The following SORBS2 variants were observed in gnomAD, a reference collection of about 807,000 sequenced individuals.
SORBS2 encodes the protein sorbin and SH3 domain containing 2.
Under a neutral mutation model 97.7 loss-of-function variants are expected in SORBS2, and 46 were observed. The ratio of observed to expected loss-of-function variants is 0.47; its 90% confidence interval spans 0.37 to 0.60. The LOEUF is 0.60. Among genes scored for constraint, SORBS2 ranks in the 20% least tolerant of loss-of-function variants. The pLI is 0.00. For missense variants in SORBS2, 1,316 were observed against 1,282.3 expected, an observed-to-expected ratio of 1.03 and a Z score of -0.40; for synonymous variants, 476 against 473.4, an observed-to-expected ratio of 1.01 and a Z score of -0.07.
intron 8 of SORBS2, 49 bp downstream of exon 20, chr4:185,620,014 G>A (rs2096692164): frequency 8.8e-7 from 1 of 1,140,382 alleles, no homozygotes; most frequent in Non-Finnish European, 1.3e-6. Context: ...GGTAAGTGCT[G>A]TATCAAGTGT....
chr4:185,646,828 T>C (rs2097215535), intron 3 of SORBS2, 46 bp from the exon 13 acceptor site: 11 of 1,115,478 alleles, frequency 9.9e-6, no homozygotes, highest in Non-Finnish European at 4.1e-6. Flanking sequence ...CCTTTTTGCT[T>C]AAAGCAATTG....
At chr4:185,841,366 T>G (rs984979204) in intron 1 of SORBS2, among the ~76,000 whole-genome samples, 1 of 151,858 alleles carries the variant, frequency 6.6e-6, no homozygotes. Flanking sequence ...TTGAGGGAAA[T>G]GTTGGGTAAA....
intron 1 of SORBS2, among the ~76,000 whole-genome samples, chr4:185,891,968 A>G (rs570058012): frequency 2.0e-5 from 3 of 152,118 alleles, no homozygotes; most frequent in South Asian, 2.1e-4. Flanking sequence ...GTGAACAGCT[A>G]GTGTTATAGG....
intron 1 of SORBS2, among the ~76,000 whole-genome samples, chr4:185,782,158 C>A (rs2099034494): frequency 6.6e-6 from 1 of 152,210 alleles, no homozygotes; most frequent in Non-Finnish European, 1.5e-5. Context: ...CTATATTTAT[C>A]AGAACTTGTG....
chr4:185,707,215 T>A (rs1455273414), intron 2 of SORBS2, among the ~76,000 whole-genome samples: 1 of 152,174 alleles, frequency 6.6e-6, no homozygotes, highest in Non-Finnish European at 1.5e-5. Context: ...CTTATTTTAC[T>A]GCAAAGAAAC....
chr4:185,708,740 T>A lies in SORBS2; in HGVS notation c.-197-29918A>T, dbSNP rs140348513. 2.0e-3 allele frequency among the ~76,000 whole-genome samples: 303 copies of A among 152,300 alleles called. 2 individuals carry two copies. Among genetic ancestry groups the A allele is most frequent in the African/African-American group, 6.7e-3 (278 of 41,566 alleles). ...AAAAAGGAAAGGGGGAAGAAACATGTGGTTTTGATAACCTTCAAATCATTA... is the reference window on the plus strand; with the variant it reads ...AAAAAGGAAAGGGGGAAGAAACATGAGGTTTTGATAACCTTCAAATCATTA... On this transcript the variant is annotated intron_variant, in intron 2 of 20. Transcript: ENST00000284776.
At chr4:185,645,647 G>T (rs926210296) in intron 4 of SORBS2, 1 of 152,186 alleles carries the variant, frequency 6.6e-6, no homozygotes, top group African/African-American at 2.4e-5. Flanking sequence ...TTATATATGA[G>T]TGTGATTTCT....
At chr4:185,619,974 T>G in intron 8 of SORBS2, 89 bp downstream of exon 20, 1 of 820,354 alleles carries the variant, frequency 1.2e-6, no homozygotes, top group Non-Finnish European at 2.2e-6. Context: ...CCTGTCCGAG[T>G]TCGTTACTGG....
intron 2 of SORBS2, among the ~76,000 whole-genome samples, chr4:185,722,406 A>C (rs986007461): frequency 2.6e-5 from 4 of 152,232 alleles, no homozygotes; most frequent in Admixed American, 2.0e-4. Flanking sequence ...TTTAATTTAA[A>C]AAGTGGCATT....
At position 185,822,787 on chromosome 4, in the gene SORBS2, A is replaced by G. The variant is rs1274181765; in HGVS notation, c.-337-47421T>C. Among the ~76,000 whole-genome samples the G allele has an allele frequency of 2.6e-5, 4 of 152,332 alleles. No homozygotes were observed. In the East Asian group the frequency reaches 5.8e-4, roughly 22 times the overall value. On this transcript the variant is annotated intron_variant, in intron 1 of 20. Transcript: ENST00000284776. Reference sequence around the variant, plus strand: ...CCTGCAAACCATGCCCCTTGCCTAGAGTTTCAGAGTGCGCTCAGCATTCTG... The same window carrying G: ...CCTGCAAACCATGCCCCTTGCCTAGGGTTTCAGAGTGCGCTCAGCATTCTG...
rs575249751 is a variant in SORBS2 at position 185,947,974 on chromosome 4, C to A, written c.-338+8222G>T. On this transcript the variant is annotated intron_variant, in intron 1 of 20. Coordinates refer to the SORBS2 transcript ENST00000284776. ...TCATGTAATGTGCTTAGCATGGAAC[C>A]CGGCACTAAGGAAGTGCTAATCAAA... Among the ~76,000 whole-genome samples, 5 of 152,248 alleles carry A rather than the reference C, an allele frequency of 3.3e-5. No homozygotes were observed. The East Asian group carries it at 9.6e-4, about 29-fold the overall frequency.
chr4:185,681,056 A>C (rs4862562), intron 2 of SORBS2, among the ~76,000 whole-genome samples: 15,055 of 152,136 alleles, frequency 0.099, 824 homozygotes, highest in Middle Eastern at 0.14. Flanking sequence ...GAGTGTGCAG[A>C]ATTAAGAGAA....
At chr4:185,724,997 G>A (rs2098545734) in intron 2 of SORBS2, among the ~76,000 whole-genome samples, 1 of 151,886 alleles carries the variant, frequency 6.6e-6, no homozygotes, top group African/African-American at 2.4e-5. Flanking sequence ...TCAGCACCTT[G>A]CATATCTTTC....
At chr4:185,717,526 G>T (rs1379482921) in intron 2 of SORBS2, among the ~76,000 whole-genome samples, 1 of 152,208 alleles carries the variant, frequency 6.6e-6, no homozygotes, top group Non-Finnish European at 1.5e-5. Flanking sequence ...ACGCTAGACG[G>T]TATTACACAT....
intron 14 of SORBS2, 30 bp downstream of exon 26, chr4:185,589,649 C>T (rs764349571): frequency 1.3e-5 from 17 of 1,337,788 alleles, no homozygotes; most frequent in South Asian, 7.0e-5. Context: ...ACAAAATAGC[C>T]GAAGGTGCCT....
intron 4 of SORBS2, among the ~76,000 whole-genome samples, chr4:185,672,461 T>C (rs1293451445): frequency 6.6e-6 from 1 of 152,226 alleles, no homozygotes; most frequent in African/African-American, 2.4e-5. Flanking sequence ...TACCTTCACT[T>C]ACTTGACATT....
chr4:185,687,464 A>T (rs981667930), intron 2 of SORBS2, among the ~76,000 whole-genome samples: 1 of 152,246 alleles, frequency 6.6e-6, no homozygotes, highest in Non-Finnish European at 1.5e-5. Flanking sequence ...AAAGAAATAA[A>T]ACTATTTTCT....
At chr4:185,727,614 T>G (rs1326468044) in intron 2 of SORBS2, among the ~76,000 whole-genome samples, 1 of 152,228 alleles carries the variant, frequency 6.6e-6, no homozygotes, top group Non-Finnish European at 1.5e-5. Flanking sequence ...AACAAGCTTC[T>G]GTAAATAAAT....
intron 1 of SORBS2, among the ~76,000 whole-genome samples, chr4:185,923,505 T>C (rs918240136): frequency 8.8e-6 from 1 of 113,294 alleles, no homozygotes; most frequent in African/African-American, 3.2e-5. Context: ...GACTTTGGTA[T>C]GTTGCCCAGG....
Sources: allele counts gnomAD v4.1 joint callset (sites outside exome capture counted in the v4.1 genomes callset), GRCh38; gene constraint gnomAD v4.1.1; transcripts MANE v1.5; gene names NCBI Gene and HGNC (gene_info 2026-07-23, HGNC 2026-07-21).